Variants in COL6A6 observed in about 807,000 individuals in gnomAD.
COL6A6 encodes collagen alpha-6(VI) chain.
Under a neutral mutation model 208.6 loss-of-function variants are expected in COL6A6, and 183 were observed. The observed-to-expected ratio is 0.88, with a 90% CI of 0.78 to 0.99. The LOEUF is 0.99. COL6A6 is among the 50% of genes least tolerant of loss of function. COL6A6 has a pLI of 0.00. For synonymous variants in COL6A6, 973 were observed against 1,011.8 expected, an observed-to-expected ratio of 0.96 and a Z score of 0.73; for missense variants, 2,816 against 2,815.2, an observed-to-expected ratio of 1.00 and a Z score of -0.01.
At position 130,566,839 on chromosome 3, in the gene COL6A6, C is replaced by T. The variant is rs201682544; in HGVS notation, c.1420C>T (p.Arg474Trp). 1.4e-4 allele frequency: 232 copies of T among 1,613,910 alleles called. 3 individuals carry two copies. The Admixed American group carries it at 3.5e-3, about 24-fold the overall frequency. The change falls in exon 5 of 37, where the codon CGG (arginine) becomes TGG (tryptophan). Residue 474 changes from arginine to tryptophan, a missense_variant. Coordinates refer to ENST00000358511, the MANE Select transcript of COL6A6 (RefSeq NM_001102608.3). ...GMFNIAPHKV[R>W]VGAVQYADSW... ...GTTCAACATTGCTCCCCATAAGGTG[C>T]GGGTTGGGGCCGTTCAGTATGCTGA...
At chr3:130,670,511 C>T (rs2066186085) in intron 36 of COL6A6, among the ~76,000 whole-genome samples, 1 of 152,146 alleles carries the variant, frequency 6.6e-6, no homozygotes, top group Non-Finnish European at 1.5e-5. Flanking sequence ...GGTTCACTTG[C>T]CAGTCAACCT....
intron 36 of COL6A6, among the ~76,000 whole-genome samples, chr3:130,669,724 T>C (rs1287787441): frequency 6.6e-6 from 1 of 152,232 alleles, no homozygotes; most frequent in Non-Finnish European, 1.5e-5. Flanking sequence ...AAAATTAAGA[T>C]AGTATCAACA....
At chr3:130,638,533 T>G (rs1354643337) in intron 28 of COL6A6, among the ~76,000 whole-genome samples, 2 of 152,234 alleles carry the variant, frequency 1.3e-5, no homozygotes, top group African/African-American at 4.8e-5. Context: ...GTTGGATCTC[T>G]GCTTCTCATT....
chr3:130,635,922 C>T (rs909919024), intron 28 of COL6A6, among the ~76,000 whole-genome samples, 161 bp downstream of exon 28: 1 of 152,224 alleles, frequency 6.6e-6, no homozygotes, highest in Non-Finnish European at 1.5e-5. Context: ...ATAGTCATCT[C>T]TCAATGCCAG....
intron 1 of COL6A6, among the ~76,000 whole-genome samples, chr3:130,523,847 A>G (rs946152038): frequency 4.6e-5 from 7 of 152,202 alleles, no homozygotes; most frequent in African/African-American, 1.2e-4. Context: ...ATATAATGGC[A>G]TCTAATTCCC....
At chr3:130,670,159 G>T (rs945582975) in intron 36 of COL6A6, among the ~76,000 whole-genome samples, 1 of 152,222 alleles carries the variant, frequency 6.6e-6, no homozygotes, top group Non-Finnish European at 1.5e-5. Flanking sequence ...CCTAAAACAG[G>T]CCTGTGAATT....
intron 8 of COL6A6, among the ~76,000 whole-genome samples, chr3:130,577,115 G>A (rs2063316095): frequency 6.6e-6 from 1 of 152,146 alleles, no homozygotes; most frequent in South Asian, 2.1e-4. Context: ...CATCTACGAA[G>A]GGTCAAGCCT....
At chr3:130,531,655 TTA>T (rs2062098961) in intron 1 of COL6A6, among the ~76,000 whole-genome samples, 1 of 152,222 alleles carries the variant, frequency 6.6e-6, no homozygotes, top group East Asian at 1.9e-4. Context: ...AATGTGCTTC[TTA>T]TAGTCTCATA....
At position 130,568,130 on chromosome 3, in the gene COL6A6, A is replaced by C. The variant is rs2063072924; in HGVS notation, c.1927A>C (p.Thr643Pro). 6.2e-7 allele frequency: 1 copy of C among 1,614,026 alleles called. No individual in the cohort carries two copies. Among genetic ancestry groups the C allele is most frequent in the Non-Finnish European group, 8.5e-7 (1 of 1,179,894 alleles). ...IGPENFSKMK[T>P]FMKNLVSKSQ... ...ACCTGAAAACTTCAGCAAAATGAAA[A>C]CATTTATGAAAAACCTGGTGAGCAA... The change falls in exon 6 of 37, where the codon ACA becomes CCA. Residue 643 changes from threonine (T) to proline (P), a missense_variant. Transcript: ENST00000358511.
chr3:130,518,505 A>G (rs890624606), intron 1 of COL6A6, among the ~76,000 whole-genome samples: 1 of 151,526 alleles, frequency 6.6e-6, no homozygotes, highest in African/African-American at 2.4e-5. Flanking sequence ...GAGGTTGTCA[A>G]TTAATTTCTC....
intron 33 of COL6A6, among the ~76,000 whole-genome samples, chr3:130,654,602 A>G (rs904067166): frequency 6.6e-6 from 1 of 152,236 alleles, no homozygotes; most frequent in Non-Finnish European, 1.5e-5. Context: ...ATTTATAAGT[A>G]TCTGGAGCCC....
rs190287414 is a variant in COL6A6 at position 130,651,351 on chromosome 3, A to G, written c.5733+1789A>G. On this transcript the variant is annotated intron_variant, in intron 33 of 36. Transcript: ENST00000358511. ...TGAGGCAGGAGAATCGCTTGAACCC[A>G]GGAGGCAGAGGTTGCAGTGAGCCGA... 1.5e-3 allele frequency among the ~76,000 whole-genome samples: 223 copies of G among 145,754 alleles called. 2 individuals are homozygous for G. Among genetic ancestry groups the G allele is most frequent in the African/African-American group, 5.4e-3 (211 of 39,384 alleles).
chr3:130,562,982 G>C, intron 2 of COL6A6, 86 bp from the exon 3 acceptor site: 1 of 951,804 alleles, frequency 1.1e-6, no homozygotes, highest in Non-Finnish European at 1.6e-6. Flanking sequence ...AAAAAGGAAA[G>C]TACTTCCCCG....
At chr3:130,657,229 C>A (rs373203880) in intron 33 of COL6A6, among the ~76,000 whole-genome samples, 10 of 152,348 alleles carry the variant, frequency 6.6e-5, no homozygotes, top group African/African-American at 2.4e-4. Context: ...AGTGTGCAGC[C>A]CCGACTGTAC....
intron 23 of COL6A6, among the ~76,000 whole-genome samples, chr3:130,612,910 T>G (rs1320076088): frequency 6.6e-6 from 1 of 152,252 alleles, no homozygotes. Flanking sequence ...TTCCTTAAGA[T>G]TCTAGATATC....
intron 22 of COL6A6, among the ~76,000 whole-genome samples, chr3:130,609,952 C>CTT (rs1054764231): frequency 0.026 from 3,029 of 116,210 alleles, 149 homozygotes; most frequent in African/African-American, 0.09. Flanking sequence ...GGAAAGCTCA[C>CTT]TTTTTTTTTT....
At chr3:130,570,547 A>G (rs147643116) in intron 6 of COL6A6, among the ~76,000 whole-genome samples, 1,555 of 152,236 alleles carry the variant, frequency 0.01, 25 homozygotes, top group African/African-American at 0.036. Context: ...ATTCCTGGCA[A>G]TCCTGTGATT....
rs529677893 is a variant in COL6A6, at chr3:130,571,271, A to T, written c.2855A>T (p.Asn952Ile). The change falls in exon 7 of 37, where the codon AAT becomes ATT. Residue 952 changes from asparagine to isoleucine, a missense_variant. By Grantham distance (149) the Asn-to-Ile change is moderately radical. Coordinates refer to ENST00000358511, the MANE Select transcript of COL6A6 (RefSeq NM_001102608.3). Reference protein sequence around the residue: ...LVLAVGIDGANPVELLAMAGS... With the variant: ...LVLAVGIDGAIPVELLAMAGS... ...CTGGCTGTGGGGATTGATGGTGCCAATCCCGTGGAGCTGTTAGCCATGGCA... is the reference window on the plus strand; with the variant it reads ...CTGGCTGTGGGGATTGATGGTGCCATTCCCGTGGAGCTGTTAGCCATGGCA... 10 of 1,613,956 alleles carry T rather than the reference A, an allele frequency of 6.2e-6. No individual in the cohort carries two copies. Among genetic ancestry groups the T allele is most frequent in the Non-Finnish European group, 8.5e-6 (10 of 1,179,902 alleles).
intron 36 of COL6A6, among the ~76,000 whole-genome samples, chr3:130,665,876 C>T (rs2066062620): frequency 6.6e-6 from 1 of 152,138 alleles, no homozygotes; most frequent in Non-Finnish European, 1.5e-5. Context: ...CTCACAGAAC[C>T]ACTCACATGT....
Sources: allele counts gnomAD v4.1 joint callset (sites outside exome capture counted in the v4.1 genomes callset), GRCh38; gene constraint gnomAD v4.1.1; transcripts MANE v1.5; gene names NCBI Gene and HGNC (gene_info 2026-07-23, HGNC 2026-07-21).